CAMK2B: variants seen among roughly 807,000 people sequenced by gnomAD.
CAMK2B encodes the protein calcium/calmodulin-dependent protein kinase type II subunit beta.
Under a neutral mutation model 93.7 loss-of-function variants are expected in CAMK2B, and 27 were observed. The ratio of observed to expected loss-of-function variants is 0.29; its 90% confidence interval spans 0.21 to 0.40. The LOEUF (loss-of-function observed/expected upper bound fraction) is 0.40, where lower values mean the gene tolerates loss of function less well. Ranked by LOEUF, CAMK2B falls within the 10% of genes least tolerant of loss-of-function variation. CAMK2B has a pLI of 1.00. For synonymous variants in CAMK2B, 374 were observed against 358.8 expected, an observed-to-expected ratio of 1.04 and a Z score of -0.48; for missense variants, 568 against 895.8, an observed-to-expected ratio of 0.63 and a Z score of 4.67.
chr7:44,302,483 A>G (rs1403463587), intron 1 of CAMK2B, among the ~76,000 whole-genome samples: 1 of 152,218 alleles, frequency 6.6e-6, no homozygotes, highest in Non-Finnish European at 1.5e-5. Flanking sequence ...ATCTCACATG[A>G]ACACAGATGC....
At position 44,220,584 on chromosome 7, in the gene CAMK2B, C is replaced by G. The variant is rs757225324; in HGVS notation, c.1768+32G>C. ...CGAGAGGCTCTCCTGGGGGCACCGCCCCCTCATGCCCACCCGGGCTTCCTC... is the reference window on the plus strand; with the variant it reads ...CGAGAGGCTCTCCTGGGGGCACCGCGCCCTCATGCCCACCCGGGCTTCCTC... On this transcript the variant is annotated intron_variant, in intron 22 of 23. Transcript: ENST00000395749. The G allele has an allele frequency of 3.2e-6, 5 of 1,572,152 alleles. 1 individual carries two copies. In the South Asian group the frequency reaches 5.7e-5, roughly 18 times the overall value.
intron 2 of CAMK2B, among the ~76,000 whole-genome samples, chr7:44,272,211 GC>G (rs1315039851): frequency 2.6e-5 from 4 of 152,208 alleles, no homozygotes; most frequent in African/African-American, 9.6e-5. Flanking sequence ...GACTTGGGGA[GC>G]CCAGTGGTAG....
intron 1 of CAMK2B, among the ~76,000 whole-genome samples, chr7:44,287,270 C>T (rs1785400339): frequency 6.6e-6 from 1 of 152,170 alleles, no homozygotes. Context: ...TCTCCCTCTC[C>T]TCTCTCCTCT....
chr7:44,242,409 G>C (rs1172768844), intron 9 of CAMK2B, 69 bp from the exon 10 acceptor site: 9 of 1,578,134 alleles, frequency 5.7e-6, no homozygotes, highest in Non-Finnish European at 7.8e-6. Context: ...AATTCTCCAA[G>C]GGGCTTCATC....
intron 13 of CAMK2B, among the ~76,000 whole-genome samples, chr7:44,238,820 C>T (rs973508450): frequency 2.6e-5 from 4 of 152,180 alleles, no homozygotes; most frequent in African/African-American, 9.7e-5. Flanking sequence ...CTCTCACCAG[C>T]CTTCAGCTCA....
At chr7:44,233,133 C>T (rs1583944417) in intron 15 of CAMK2B, among the ~76,000 whole-genome samples, 1 of 152,054 alleles carries the variant, frequency 6.6e-6, no homozygotes, top group East Asian at 1.9e-4. Flanking sequence ...GGAGATGGAC[C>T]GTGTGGGGCC....
At chr7:44,245,388 G>A (rs1229322167) in intron 6 of CAMK2B, among the ~76,000 whole-genome samples, 1 of 152,242 alleles carries the variant, frequency 6.6e-6, no homozygotes, top group Non-Finnish European at 1.5e-5. Flanking sequence ...TTCTGTCCAG[G>A]AGAAAAGGAC....
In CAMK2B at chr7:44,306,991, C is replaced by G. The variant is rs115289219; in HGVS notation, c.65+18366G>C. Among the ~76,000 whole-genome samples the G allele has an allele frequency of 6.0e-3, 646 of 108,132 alleles. 16 individuals carry two copies. Among genetic ancestry groups the G allele is most frequent in the African/African-American group, 0.023 (602 of 25,810 alleles). The allele number at this position is 108,132 out of a possible 152,430, so 70.9% of individuals were successfully genotyped here. A position where few individuals can be genotyped will look rare whatever the true frequency, so the allele number is the denominator to read the frequency against. On this transcript the variant is annotated intron_variant, in intron 1 of 23. Coordinates refer to ENST00000395749, the MANE Select transcript of CAMK2B (RefSeq NM_001220.5). ...GTGAGAAAGGGGAGGAGGGTGTGAG[C>G]AGGAGGAGGAGGGTGTGAGCAGGAA... is the stretch of plus-strand genomic sequence containing the variant.
Position 44,225,639 on chromosome 7 carries a change from G to A in CAMK2B, c.1597+877C>T. On this transcript the variant is annotated intron_variant, in intron 20 of 23. Coordinates refer to ENST00000395749, the MANE Select transcript of CAMK2B (RefSeq NM_001220.5). This position sits in a 1 kb window ranked among gnomAD's most constrained non-coding sequence, Gnocchi z 5.0. ...CTGCAGCCTGCATCCCCCTCCTCGAGCCGCTGCTCCTGTGGGTTCACTCTC... is the reference window on the plus strand; with the variant it reads ...CTGCAGCCTGCATCCCCCTCCTCGAACCGCTGCTCCTGTGGGTTCACTCTC... 1 of 899,050 alleles carries A rather than the reference G, an allele frequency of 1.1e-6. No homozygotes were observed. The highest frequency in any genetic ancestry group is 1.6e-6 in the Non-Finnish European group (1 of 643,512). The allele number at this position is 899,050 out of a possible 1,614,324, so 55.7% of individuals were successfully genotyped here. A position where few individuals can be genotyped will look rare whatever the true frequency, so the allele number is the denominator to read the frequency against.
chr7:44,263,165 C>T (rs1315151212), intron 2 of CAMK2B, 101 bp from the exon 3 acceptor site: 2 of 1,101,406 alleles, frequency 1.8e-6, no homozygotes, highest in Non-Finnish European at 2.7e-6. Flanking sequence ...GCCAGGGCCT[C>T]TGACGAGAGG....
chr7:44,248,556 C>A lies in CAMK2B; in HGVS notation c.342-1364G>T, dbSNP rs369544407. Among the ~76,000 whole-genome samples the A allele has an allele frequency of 6.6e-6, 1 of 152,176 alleles. No homozygotes were observed. The highest frequency in any genetic ancestry group is 2.4e-5 in the African/African-American group (1 of 41,438). ...GTCTCAGTCACCGCCCCACTGGGCA[C>A]GGTCAAGGGAGGGACAGGAAGACCC... On this transcript the variant is annotated intron_variant, in intron 5 of 23. Coordinates refer to ENST00000395749, the MANE Select transcript of CAMK2B (RefSeq NM_001220.5). The surrounding 1 kb of genome is among the most constrained non-coding windows in gnomAD (Gnocchi z 4.1).
At position 44,228,800 on chromosome 7, in the gene CAMK2B, G is replaced by A; in HGVS notation, c.1464C>T (p.Ser488=). The A allele has an allele frequency of 6.7e-7, 1 of 1,491,914 alleles. No individual in the cohort carries two copies. The highest frequency in any genetic ancestry group is 8.9e-7 in the Non-Finnish European group (1 of 1,124,264). 92.4% of individuals were successfully genotyped at this position (1,491,914 alleles called of 1,614,324 possible). The change falls in exon 19 of 24, where the codon TCC becomes TCT. Residue 488 remains serine (S), a synonymous_variant. Transcript: ENST00000395749. The stretch of plus-strand genomic sequence containing the variant: ...GGCCTGGGGGCCACTACTTACACGG[G>A]GAGGACAGGGGGCCTAGGAGAGCCG... ...LSPALLGPLS[S]PSPRISDILN...
rs2096358840 is a variant in CAMK2B, at chr7:44,217,864, CT to C, written c.*1660del. ...TTGTGACCACCCCCACCCAACCTGG[CT>C]TCAGACCCACCCTGCAGCCCCACCA... On this transcript the variant is annotated 3_prime_UTR_variant, in exon 24 of 24. Coordinates refer to ENST00000395749, the MANE Select transcript of CAMK2B (RefSeq NM_001220.5). 6.6e-6 allele frequency: 1 copy of C among 152,278 alleles called. No homozygotes were observed. The allele number at this position is 152,278 out of a possible 1,614,324, so 9.4% of individuals were successfully genotyped here. A position where few individuals can be genotyped will look rare whatever the true frequency, so the allele number is the denominator to read the frequency against.
intron 2 of CAMK2B, among the ~76,000 whole-genome samples, chr7:44,274,201 G>C (rs550119495): frequency 1.3e-5 from 2 of 152,236 alleles, no homozygotes; most frequent in Admixed American, 1.3e-4. Flanking sequence ...GCTGGAGTCG[G>C]GGCTCCCCCA....
chr7:44,227,747 A>AG (rs1480960017), intron 19 of CAMK2B, among the ~76,000 whole-genome samples: 1 of 6,206 alleles, frequency 1.6e-4, no homozygotes, highest in Non-Finnish European at 2.7e-4. Flanking sequence ...TGGGGGACAG[A>AG]GGAGGGTGTG....
chr7:44,239,161 C>T (rs1019584666), intron 13 of CAMK2B, among the ~76,000 whole-genome samples: 3 of 152,228 alleles, frequency 2.0e-5, no homozygotes, highest in Admixed American at 2.0e-4. Flanking sequence ...CTCCATGCGG[C>T]CCCAGAGGGG....
chr7:44,262,323 T>TAGGGCGTTTCCTGGCTGCTCCCC (rs1454263790), intron 3 of CAMK2B, among the ~76,000 whole-genome samples: 1 of 152,128 alleles, frequency 6.6e-6, no homozygotes, highest in African/African-American at 2.4e-5. Flanking sequence ...CTGCCGTCCC[T>TAGGGCGTTTCCTGGCTGCTCCCC]AGGGCGTTTC....
rs542120408 is a variant in CAMK2B at position 44,257,192 on chromosome 7, G to A, written c.275+1680C>T. Among the ~76,000 whole-genome samples the A allele has an allele frequency of 9.9e-5, 15 of 152,238 alleles. No homozygotes were observed. In the South Asian group the frequency reaches 3.1e-3, roughly 32 times the overall value. On this transcript the variant is annotated intron_variant, in intron 4 of 23. Coordinates refer to ENST00000395749, the MANE Select transcript of CAMK2B (RefSeq NM_001220.5). Reference sequence around the variant, plus strand: ...TTCCCAAACTACTATGGGGCCTCAGGGCCTCCTGAGGGCAATGCCAGCCAA... The same window carrying A: ...TTCCCAAACTACTATGGGGCCTCAGAGCCTCCTGAGGGCAATGCCAGCCAA...
chr7:44,259,391 C>T (rs2096861030), intron 3 of CAMK2B: 1 of 173,698 alleles, frequency 5.8e-6, no homozygotes, highest in South Asian at 1.4e-4. Context: ...CCTGGGTCTT[C>T]CCAGGGCTGC....
Sources: gnomAD v4.1 joint callset for allele counts (sites outside exome capture counted in the v4.1 genomes callset) on GRCh38, gnomAD v4.1.1 for gene constraint, Gnocchi (gnomAD v3.1) non-coding constraint, MANE v1.5 for transcripts, NCBI Gene and HGNC (gene_info 2026-07-23, HGNC 2026-07-21) for gene names.